Variants in DNAH12 observed in about 807,000 individuals in gnomAD.
The protein encoded by DNAH12 is dynein axonemal heavy chain 12, also known as axonemal beta dynein heavy chain 12.
A neutral mutation model predicts 371.5 loss-of-function variants in DNAH12; 285 were observed. That is an observed-to-expected ratio of 0.77 (90% CI 0.70 to 0.85). The LOEUF is 0.85. DNAH12 is among the 40% of genes least tolerant of loss of function. The probability of loss-of-function intolerance (pLI) is 0.00; values close to 1 mark genes in which losing one functional copy is unlikely to be tolerated. For missense variants in DNAH12, 3,611 were observed against 3,689.4 expected (o/e 0.98, Z 0.55); for synonymous variants, 1,200 against 1,213.0 (o/e 0.99, Z 0.22).
chr3:57,305,344 C>T (rs1330213367), intron 69 of DNAH12, among the ~76,000 whole-genome samples: 1 of 152,094 alleles, frequency 6.6e-6, no homozygotes, highest in African/African-American at 2.4e-5. Flanking sequence ...CCCCTCCTCC[C>T]CAGGCTGCTC....
chr3:57,365,717 A>C (rs1425755834), intron 57 of DNAH12, among the ~76,000 whole-genome samples: 1 of 152,080 alleles, frequency 6.6e-6, no homozygotes, highest in African/African-American at 2.4e-5. Flanking sequence ...ATTCCTTTCC[A>C]ATCTTTTTTT....
At chr3:57,366,538 TA>T (rs1415610206) in intron 57 of DNAH12, among the ~76,000 whole-genome samples, 190 bp downstream of exon 57, 3 of 152,188 alleles carry the variant, frequency 2.0e-5, no homozygotes, top group African/African-American at 7.2e-5. Context: ...CTGCCCATAC[TA>T]AAAGCCCAAT....
At chr3:57,455,572 AAAC>A (rs71088077) in intron 22 of DNAH12, among the ~76,000 whole-genome samples, 9 of 150,730 alleles carry the variant, frequency 6.0e-5, no homozygotes, top group Admixed American at 2.0e-4. Flanking sequence ...TCTGTCTCAA[AAAC>A]AACAACAACA....
At chr3:57,496,502 A>G (rs1376781606) in intron 11 of DNAH12, among the ~76,000 whole-genome samples, 1 of 152,178 alleles carries the variant, frequency 6.6e-6, no homozygotes, top group Non-Finnish European at 1.5e-5. Flanking sequence ...GCAAACTTGG[A>G]ATAGAAGGGA....
At chr3:57,468,522 G>A (rs1027305925) in intron 17 of DNAH12, 1 of 253,570 alleles carries the variant, frequency 3.9e-6, no homozygotes, top group Non-Finnish European at 7.2e-6. Context: ...GGCTGAGGTG[G>A]GAGGATCGCT....
chr3:57,508,559 A>G lies in DNAH12; in HGVS notation c.543-19T>C, dbSNP rs766983036. The G allele has an allele frequency of 2.3e-5, 37 of 1,599,582 alleles. No homozygotes were observed. Among genetic ancestry groups the G allele is most frequent in the South Asian group, 1.4e-4 (12 of 87,702 alleles). On this transcript the variant is annotated intron_variant, in intron 6 of 73. Transcript: ENST00000495027. Reference sequence around the variant, plus strand: ...TAGGCCTCTGGAAAAGCAAAACACCATATCAAACATGATGAAAATAATACA... The same window carrying G: ...TAGGCCTCTGGAAAAGCAAAACACCGTATCAAACATGATGAAAATAATACA...
chr3:57,471,428 C>A, intron 15 of DNAH12, 44 bp downstream of exon 15: 2 of 1,486,588 alleles, frequency 1.3e-6, no homozygotes, highest in Non-Finnish European at 1.8e-6. Context: ...TCCTATATGA[C>A]TCTATGGGCT....
At chr3:57,482,515 G>A (rs911848852) in intron 13 of DNAH12, among the ~76,000 whole-genome samples, 5 of 152,046 alleles carry the variant, frequency 3.3e-5, no homozygotes, top group Admixed American at 6.6e-5. Flanking sequence ...TCAGTGTGGC[G>A]ATTCCTCAGG....
At chr3:57,380,743 G>C (rs1434219135) in intron 50 of DNAH12, among the ~76,000 whole-genome samples, 1 of 152,182 alleles carries the variant, frequency 6.6e-6, no homozygotes, top group Non-Finnish European at 1.5e-5. Flanking sequence ...GGGATTACAG[G>C]CGTGAGCCAC....
chr3:57,464,017 C>T (rs1461778644), intron 17 of DNAH12, among the ~76,000 whole-genome samples: 1 of 151,942 alleles, frequency 6.6e-6, no homozygotes, highest in African/African-American at 2.4e-5. Flanking sequence ...ATTGCCCCTC[C>T]CTCTATTCTG....
rs559740263 is a variant in DNAH12, at chr3:57,338,715, G to C, written c.9675-3775C>G. On this transcript the variant is annotated intron_variant, in intron 60 of 73. Transcript: ENST00000495027. ...GCCTCTGCCCGGCCGCCCCATCTTG[G>C]GGGTGAGGAGCGCCTCTGCCCGGCC... 6.0e-5 allele frequency among the ~76,000 whole-genome samples: 9 copies of C among 149,032 alleles called. No individual in the cohort carries two copies. In the East Asian group the frequency reaches 8.0e-4, roughly 13 times the overall value.
rs2063931021 is a variant in DNAH12, at chr3:57,403,441, A to C, written c.6816T>G (p.Ala2272=). The C allele has an allele frequency of 6.4e-7, 1 of 1,551,560 alleles. No homozygotes were observed. ...CACTTCCTCCAAGACCAACAAGCAA[A>C]GCATTTCCACCAGATTGCTTTAGAA... is the stretch of plus-strand genomic sequence containing the variant. ...CRVLKQSGGN[A]LLVGLGGSGR... The change falls in exon 43 of 74, where the codon GCT becomes GCG. Residue 2272 remains alanine (A), a synonymous_variant. Transcript: ENST00000495027.
intron 30 of DNAH12, among the ~76,000 whole-genome samples, chr3:57,434,578 A>G (rs1163643476): frequency 6.6e-6 from 1 of 152,040 alleles, no homozygotes; most frequent in African/African-American, 2.4e-5. Context: ...AGAGGGGGGG[A>G]TATTCTTGCC....
intron 33 of DNAH12, among the ~76,000 whole-genome samples, chr3:57,429,043 G>T (rs935735316): frequency 2.0e-5 from 3 of 152,130 alleles, no homozygotes; most frequent in Admixed American, 2.0e-4. Flanking sequence ...ATCTCGATCT[G>T]GAAACGCCTA....
intron 37 of DNAH12, among the ~76,000 whole-genome samples, chr3:57,419,144 A>G (rs1247779903): frequency 6.6e-6 from 1 of 152,202 alleles, no homozygotes; most frequent in African/African-American, 2.4e-5. Flanking sequence ...AAGGCAACTT[A>G]TGAGGCAGCA....
At chr3:57,433,557 T>C in intron 31 of DNAH12, 50 bp from the exon 32 acceptor site, 4 of 1,541,450 alleles carry the variant, frequency 2.6e-6, no homozygotes, top group Non-Finnish European at 3.5e-6. Flanking sequence ...AAATTAGATT[T>C]AGGAGTAAAA....
At chr3:57,424,982 T>C in intron 35 of DNAH12, 40 bp downstream of exon 35, 1 of 684,382 alleles carries the variant, frequency 1.5e-6, no homozygotes, top group Non-Finnish European at 2.6e-6. Context: ...AGAAGCATAA[T>C]TTATTTATAA....
chr3:57,378,553 C>A (rs2153340459), intron 52 of DNAH12, among the ~76,000 whole-genome samples: 1 of 152,228 alleles, frequency 6.6e-6, no homozygotes, highest in Non-Finnish European at 1.5e-5. Flanking sequence ...TCATCTACAC[C>A]TTTTTATTTA....
At chr3:57,551,552 T>G in the DNAH12 span, among the ~76,000 whole-genome samples, 802 of 151,958 alleles carry the variant, frequency 5.3e-3, 5 homozygotes, top group African/African-American at 7.5e-3. Context: ...TTACAGGCAT[T>G]AGCCACCGCG....
Sources: gnomAD v4.1 joint callset for allele counts (sites outside exome capture counted in the v4.1 genomes callset) on GRCh38, gnomAD v4.1.1 for gene constraint, MANE v1.5 for transcripts, NCBI Gene and HGNC (gene_info 2026-07-23, HGNC 2026-07-21) for gene names.